The following KCNB2 variants were observed in gnomAD, a reference collection of about 807,000 sequenced individuals.
The protein encoded by KCNB2 is potassium voltage-gated channel subfamily B member 2.
KCNB2 carries 15 observed loss-of-function variants against 61.5 expected under a neutral mutation model. The ratio of observed to expected loss-of-function variants is 0.24; its 90% CI spans 0.16 to 0.38. KCNB2 has a LOEUF of 0.38. Among genes scored for constraint, KCNB2 ranks in the 10% least tolerant of loss-of-function variants. The probability of loss-of-function intolerance (pLI) is 1.00; values close to 1 mark genes in which losing one functional copy is unlikely to be tolerated. For synonymous variants in KCNB2, 457 were observed against 446.0 expected (o/e 1.02, Z -0.31); for missense variants, 828 against 1,125.2 (o/e 0.74, Z 3.78).
chr8:72,571,295 C>G (rs1179304127), intron 2 of KCNB2, among the ~76,000 whole-genome samples: 1 of 152,136 alleles, frequency 6.6e-6, no homozygotes, highest in South Asian at 2.1e-4. Flanking sequence ...GGGTATTTCT[C>G]TGACAATAGC....
At chr8:72,791,892 T>C (rs982837105) in intron 2 of KCNB2, among the ~76,000 whole-genome samples, 5 of 152,356 alleles carry the variant, frequency 3.3e-5, no homozygotes, top group African/African-American at 1.2e-4. Flanking sequence ...GATTTGTCCA[T>C]GTTAAAAATC....
chr8:72,875,190 G>A (rs1563411660), intron 2 of KCNB2: 1 of 152,246 alleles, frequency 6.6e-6, no homozygotes, highest in Non-Finnish European at 1.5e-5. Context: ...AGGCTTGGAT[G>A]ATGGATGATT....
chr8:72,565,647 CACACACACACACACA>C (rs1008652221), intron 1 of KCNB2, among the ~76,000 whole-genome samples: 33 of 150,900 alleles, frequency 2.2e-4, no homozygotes, highest in East Asian at 7.8e-4. Context: ...AAGCAGAATA[CACACACACACACACA>C]ACACACACAC....
intron 2 of KCNB2, among the ~76,000 whole-genome samples, chr8:72,663,406 A>G (rs1416041094): frequency 1.3e-5 from 2 of 152,158 alleles, no homozygotes; most frequent in Non-Finnish European, 1.5e-5. Context: ...TGTTCTTTAA[A>G]AATCTACTTA....
intron 2 of KCNB2, among the ~76,000 whole-genome samples, chr8:72,890,907 T>G (rs1377574118): frequency 6.6e-6 from 1 of 152,210 alleles, no homozygotes; most frequent in African/African-American, 2.4e-5. Context: ...CAATGGTGGC[T>G]TATTACATAA....
chr8:72,809,850 T>C (rs1387693013), intron 2 of KCNB2, among the ~76,000 whole-genome samples: 1 of 152,190 alleles, frequency 6.6e-6, no homozygotes, highest in African/African-American at 2.4e-5. Flanking sequence ...GCAAAGGTAC[T>C]TCATTTTTAG....
At chr8:72,738,698 G>A (rs1222487900) in intron 2 of KCNB2, among the ~76,000 whole-genome samples, 1 of 152,130 alleles carries the variant, frequency 6.6e-6, no homozygotes, top group African/African-American at 2.4e-5. Context: ...GTTGGCATGT[G>A]GTGATTAAGA....
chr8:72,755,378 G>A (rs1808272429), intron 2 of KCNB2, among the ~76,000 whole-genome samples: 1 of 152,272 alleles, frequency 6.6e-6, no homozygotes, highest in South Asian at 2.1e-4. Context: ...TGGAACAAAT[G>A]TACCATATTT....
chr8:72,660,146 C>T (rs2250459), intron 2 of KCNB2, among the ~76,000 whole-genome samples: 2,852 of 152,226 alleles, frequency 0.019, 48 homozygotes, highest in Non-Finnish European at 0.03. Context: ...TTATTTTCAT[C>T]TTGTGGGTGA....
chr8:72,651,837 G>A (rs1585807727), intron 2 of KCNB2, among the ~76,000 whole-genome samples: 1 of 152,086 alleles, frequency 6.6e-6, no homozygotes, highest in South Asian at 2.1e-4. Flanking sequence ...ATATGTAACT[G>A]TCTACTCAAT....
intron 2 of KCNB2, among the ~76,000 whole-genome samples, chr8:72,872,497 C>T (rs1585945957): frequency 6.6e-6 from 1 of 152,240 alleles, no homozygotes; most frequent in African/African-American, 2.4e-5. Context: ...GGTTGTTAAT[C>T]AGCTTTAGTT....
At chr8:72,748,578 A>G (rs909227206) in intron 2 of KCNB2, among the ~76,000 whole-genome samples, 9 of 150,148 alleles carry the variant, frequency 6.0e-5, no homozygotes, top group African/African-American at 2.2e-4. Context: ...CTGAATTTAC[A>G]GAGTACTGAA....
At position 72,799,766 on chromosome 8, in the gene KCNB2, T is replaced by TA. The variant is rs559863666; in HGVS notation, c.580-136163dup. ...ATGGAGGTATCTGAAGACGTGGACATAAAAAATATAATTGAAGGAGAAATT... is the reference window on the plus strand; with the variant it reads ...ATGGAGGTATCTGAAGACGTGGACATAAAAAAATATAATTGAAGGAGAAATT... On this transcript the variant is annotated intron_variant, in intron 2 of 2. Coordinates refer to ENST00000523207, the MANE Select transcript of KCNB2 (RefSeq NM_004770.3). 6.1e-3 allele frequency among the ~76,000 whole-genome samples: 926 copies of TA among 152,190 alleles called. 6 individuals are homozygous for TA. Among genetic ancestry groups the TA allele is most frequent in the Non-Finnish European group, 9.1e-3 (621 of 68,010 alleles).
At chr8:72,899,386 A>G (rs920362366) in intron 2 of KCNB2, among the ~76,000 whole-genome samples, 5 of 152,186 alleles carry the variant, frequency 3.3e-5, no homozygotes, top group Admixed American at 1.3e-4. Flanking sequence ...AGCCAGAGCA[A>G]TCAGGCAAGA....
chr8:72,813,599 G>A (rs1365207620), intron 2 of KCNB2, among the ~76,000 whole-genome samples: 1 of 152,178 alleles, frequency 6.6e-6, no homozygotes, highest in African/African-American at 2.4e-5. Context: ...CAATCAATGA[G>A]TAGATTAGCT....
At chr8:72,932,120 G>T (rs1211018709) in intron 2 of KCNB2, among the ~76,000 whole-genome samples, 1 of 152,164 alleles carries the variant, frequency 6.6e-6, no homozygotes, top group Non-Finnish European at 1.5e-5. Flanking sequence ...CCAAGGGTGA[G>T]GCTGCTTATT....
At chr8:72,681,966 C>G (rs1463881047) in intron 2 of KCNB2, among the ~76,000 whole-genome samples, 1 of 152,162 alleles carries the variant, frequency 6.6e-6, no homozygotes, top group Non-Finnish European at 1.5e-5. Flanking sequence ...ACTCCTAAAT[C>G]TAGGGATTAA....
chr8:72,837,363 C>A (rs1385354970), intron 2 of KCNB2, among the ~76,000 whole-genome samples: 1 of 152,182 alleles, frequency 6.6e-6, no homozygotes, highest in African/African-American at 2.4e-5. Context: ...GGAATTTGAG[C>A]CCTCTTGCTC....
intron 2 of KCNB2, among the ~76,000 whole-genome samples, chr8:72,865,704 T>A (rs1410825000): frequency 6.6e-6 from 1 of 152,156 alleles, no homozygotes; most frequent in Admixed American, 6.5e-5. Context: ...ACTAAACTCT[T>A]TCATGCCTTC....
Sources: gnomAD v4.1 joint callset for allele counts (sites outside exome capture counted in the v4.1 genomes callset) on GRCh38, gnomAD v4.1.1 for gene constraint, MANE v1.5 for transcripts, NCBI Gene and HGNC (gene_info 2026-07-23, HGNC 2026-07-21) for gene names.